Variants in CDH17 observed in about 807,000 individuals in gnomAD.
CDH17 encodes cadherin-17.
CDH17 carries 67 observed loss-of-function variants against 86.3 expected under a neutral mutation model. That is an observed-to-expected ratio of 0.78 (90% CI 0.64 to 0.95). The LOEUF (loss-of-function observed/expected upper bound fraction) is 0.95. Among genes scored for constraint, CDH17 ranks in the 40% least tolerant of loss-of-function variants. The pLI, the probability that CDH17 is intolerant of heterozygous loss-of-function variation, is 0.00. For synonymous variants in CDH17, 367 were observed against 366.4 expected, an observed-to-expected ratio of 1.00 and a Z score of -0.02; for missense variants, 993 against 1,017.6, an observed-to-expected ratio of 0.98 and a Z score of 0.33.
chr8:94,171,180 A>G (rs983568160), intron 7 of CDH17, among the ~76,000 whole-genome samples, 195 bp from the exon 8 acceptor site: 7 of 152,208 alleles, frequency 4.6e-5, no homozygotes, highest in Non-Finnish European at 1.0e-4. Flanking sequence ...TATTGCTCGA[A>G]AAAAGCACAC....
At chr8:94,151,427 C>T (rs1812853608) in intron 13 of CDH17, among the ~76,000 whole-genome samples, 1 of 152,194 alleles carries the variant, frequency 6.6e-6, no homozygotes, top group African/African-American at 2.4e-5. Flanking sequence ...CCAGAAGATT[C>T]CCTCAGCCCT....
At chr8:94,182,156 A>T (rs932604796) in intron 3 of CDH17, among the ~76,000 whole-genome samples, 5 of 152,150 alleles carry the variant, frequency 3.3e-5, no homozygotes, top group Non-Finnish European at 7.4e-5. Context: ...CACACAAAAA[A>T]GCCCAGAACC....
At chr8:94,130,522 C>T in intron 17 of CDH17, 104 bp downstream of exon 17, 1 of 693,142 alleles carries the variant, frequency 1.4e-6, no homozygotes, top group South Asian at 2.0e-5. Flanking sequence ...GCCTGAGTTG[C>T]CATTTGAGCA....
chr8:94,206,515 T>G (rs985022734), intron 1 of CDH17, among the ~76,000 whole-genome samples: 1 of 152,180 alleles, frequency 6.6e-6, no homozygotes, highest in African/African-American at 2.4e-5. Flanking sequence ...TGCCCAGCTT[T>G]CCTCCTCAGA....
rs1812971448 is a variant in CDH17 at position 94,157,652 on chromosome 8, A to G, written c.1551+2319T>C. Among the ~76,000 whole-genome samples, 2 of 152,170 alleles carry G rather than the reference A, an allele frequency of 1.3e-5. 1 individual carries two copies. The highest frequency in any genetic ancestry group is 4.1e-4 in the South Asian group (2 of 4,830). On this transcript the variant is annotated intron_variant, in intron 12 of 17. Coordinates refer to ENST00000027335, the MANE Select transcript of CDH17 (RefSeq NM_004063.4). ...ACTTTGGGCCATGCACAGTGGCTCA[A>G]ACACCTGTGATCCCAGCAATTTGGG...
Position 94,128,284 on chromosome 8 carries a change from C to T in CDH17, c.2455G>A (p.Val819Ile). Residue 819 changes from valine to isoleucine, a missense_variant, in exon 18 of 18, where the codon GTT becomes ATT. Coordinates refer to ENST00000027335, the MANE Select transcript of CDH17 (RefSeq NM_004063.4). ...RIKKDKGKDN[V>I]ESAQASEVKP... ...ACTTCAGATGCTTGAGCACTTTCAACATTATCTTTGCCTTTATCCTTCTTT... is the reference window on the plus strand; with the variant it reads ...ACTTCAGATGCTTGAGCACTTTCAATATTATCTTTGCCTTTATCCTTCTTT... 1 of 1,613,746 alleles carries T rather than the reference C, an allele frequency of 6.2e-7. No individual in the cohort carries two copies. Among genetic ancestry groups the T allele is most frequent in the Non-Finnish European group, 8.5e-7 (1 of 1,179,838 alleles).
chr8:94,173,328 T>C (rs1262234673), intron 7 of CDH17, among the ~76,000 whole-genome samples: 1 of 152,132 alleles, frequency 6.6e-6, no homozygotes, highest in African/African-American at 2.4e-5. Context: ...TGGTGGTAAG[T>C]GAGTTCTCAC....
At chr8:94,206,851 C>A (rs1335706748) in intron 1 of CDH17, among the ~76,000 whole-genome samples, 1 of 151,924 alleles carries the variant, frequency 6.6e-6, no homozygotes, top group Non-Finnish European at 1.5e-5. Context: ...TATGTTCAGA[C>A]CTTCCAGGCT....
At position 94,173,892 on chromosome 8, in the gene CDH17, C is replaced by A. The variant is rs148329746; in HGVS notation, c.688G>T (p.Val230Leu). The A allele has an allele frequency of 1.3e-5, 21 of 1,612,854 alleles. No homozygotes were observed. Among genetic ancestry groups the A allele is most frequent in the Non-Finnish European group, 1.8e-5 (21 of 1,178,920 alleles). The change falls in exon 7 of 18, where the codon GTG becomes TTG. Residue 230 changes from valine to leucine, a missense_variant. Physicochemically the swap from Val to Leu is conservative, Grantham distance 32. Coordinates refer to ENST00000027335, the MANE Select transcript of CDH17 (RefSeq NM_004063.4). ...ATATTCTCTGTCACTATGATATCCA[C>A]AGATGTGGTATCACTGAAGGAATTC... ...SENSFSDTTS[V>L]DIIVTENIWK...
At chr8:94,167,511 C>A (rs1463691000) in intron 9 of CDH17, among the ~76,000 whole-genome samples, 1 of 152,200 alleles carries the variant, frequency 6.6e-6, no homozygotes. Context: ...TGGACACATG[C>A]AGATGTGCCT....
intron 17 of CDH17, among the ~76,000 whole-genome samples, chr8:94,129,430 CAGACTGA>C (rs1430627870): frequency 1.3e-5 from 2 of 152,004 alleles, no homozygotes; most frequent in African/African-American, 4.8e-5. Context: ...ATAGGGAGTC[CAGACTGA>C]AGGGTATAAA....
At chr8:94,143,027 G>A (rs929185861) in intron 15 of CDH17, among the ~76,000 whole-genome samples, 3 of 152,140 alleles carry the variant, frequency 2.0e-5, no homozygotes, top group African/African-American at 7.2e-5. Context: ...TATCTAAACT[G>A]GTGAATCATT....
chr8:94,189,093 T>C, intron 3 of CDH17, 94 bp downstream of exon 3: 2 of 877,562 alleles, frequency 2.3e-6, no homozygotes, highest in Admixed American at 4.9e-5. Flanking sequence ...GCCATGCCTT[T>C]ATTTTATTTC....
intron 7 of CDH17, among the ~76,000 whole-genome samples, chr8:94,171,201 T>C (rs1045035699): frequency 6.6e-6 from 1 of 152,190 alleles, no homozygotes; most frequent in African/African-American, 2.4e-5. Flanking sequence ...CAGGAAATGT[T>C]TCTTCTCTAA....
intron 2 of CDH17, among the ~76,000 whole-genome samples, chr8:94,192,806 C>G (rs1813711697): frequency 6.6e-6 from 1 of 152,244 alleles, no homozygotes; most frequent in Non-Finnish European, 1.5e-5. Flanking sequence ...TATTTACTCT[C>G]TCTTTGGTGC....
rs1195449044 is a variant in CDH17 at position 94,168,142 on chromosome 8, A to ACG, written c.1067-2167_1067-2166insCG. 4.7e-4 allele frequency among the ~76,000 whole-genome samples: 25 copies of ACG among 53,316 alleles called. 3 individuals are homozygous for ACG. Among genetic ancestry groups the ACG allele is most frequent in the African/African-American group, 1.6e-3 (24 of 15,398 alleles). 35.0% of individuals were successfully genotyped at this position (53,316 alleles called of 152,430 possible). Reference sequence around the variant, plus strand: ...TATATATATATATATATATATATATATATATATATATATATTTGTGTGTGT... The same window carrying ACG: ...TATATATATATATATATATATATATACGTATATATATATATATTTGTGTGTGT... On this transcript the variant is annotated intron_variant, in intron 9 of 17. Transcript: ENST00000027335.
chr8:94,188,255 GATT>G (rs2130661292), intron 3 of CDH17, among the ~76,000 whole-genome samples: 1 of 152,284 alleles, frequency 6.6e-6, no homozygotes, highest in Non-Finnish European at 1.5e-5. Flanking sequence ...CTATGTAAAT[GATT>G]ATTATACTGT....
chr8:94,159,825 A>G, intron 12 of CDH17, 146 bp downstream of exon 12: 2 of 542,122 alleles, frequency 3.7e-6, no homozygotes, highest in Non-Finnish European at 6.1e-6. Flanking sequence ...AGGAACGACT[A>G]AGAGGAATCC....
intron 1 of CDH17, among the ~76,000 whole-genome samples, chr8:94,204,730 G>A (rs1437923571): frequency 6.6e-6 from 1 of 152,156 alleles, no homozygotes; most frequent in African/African-American, 2.4e-5. Context: ...AAATATTTGA[G>A]AGAGGTGTCA....
Sources: allele counts gnomAD v4.1 joint callset (sites outside exome capture counted in the v4.1 genomes callset), GRCh38; gene constraint gnomAD v4.1.1; transcripts MANE v1.5; gene names NCBI Gene and HGNC (gene_info 2026-07-23, HGNC 2026-07-21).